The following FBH1 variants were observed in gnomAD, a reference collection of about 807,000 sequenced individuals.
FBH1 encodes DNA 3'-5' helicase 1.
FBH1 carries 43 observed loss-of-function variants against 115.5 expected under a neutral mutation model. The ratio of observed to expected loss-of-function variants is 0.37; its 90% confidence interval spans 0.29 to 0.48. The LOEUF (loss-of-function observed/expected upper bound fraction) is 0.48. Ranked by LOEUF, FBH1 falls within the 20% of genes least tolerant of loss-of-function variation. FBH1 has a pLI of 0.99. For synonymous variants in FBH1, 524 were observed against 507.8 expected (o/e 1.03, Z -0.43); for missense variants, 1,001 against 1,337.3 (o/e 0.75, Z 3.92).
Position 5,914,455 on chromosome 10 carries a change from A to G in FBH1, c.1396+186A>G, listed in dbSNP as rs554999105. Among the ~76,000 whole-genome samples the G allele has an allele frequency of 1.3e-5, 2 of 152,364 alleles. No individual in the cohort carries two copies. Among genetic ancestry groups the G allele is most frequent in the African/African-American group, 4.8e-5 (2 of 41,590 alleles). On this transcript the variant is annotated intron_variant, in intron 8 of 20. Transcript: ENST00000362091. The surrounding 1 kb of genome is among the most constrained non-coding windows in gnomAD (Gnocchi z 5.2). ...AATACTTACTTCCCCGGACCACTCC[A>G]TGAACATCCACAGAATTCCTGTTGA...
At chr10:5,903,709 T>G (rs649537) in intron 2 of FBH1, among the ~76,000 whole-genome samples, 69,737 of 152,026 alleles carry the variant, frequency 0.46, 16,610 homozygotes, top group East Asian at 0.68. Context: ...TCCTATTAGC[T>G]TGTGTAATTA....
chr10:5,899,594 C>T (rs1006699738), intron 1 of FBH1, among the ~76,000 whole-genome samples: 1 of 152,104 alleles, frequency 6.6e-6, no homozygotes, highest in Admixed American at 6.5e-5. Flanking sequence ...GGCATGAGTC[C>T]ACTCTGTTGG....
intron 19 of FBH1, among the ~76,000 whole-genome samples, chr10:5,927,971 C>G (rs529524379): frequency 2.7e-5 from 4 of 148,410 alleles, no homozygotes; most frequent in African/African-American, 1.0e-4. Flanking sequence ...ACTCGGGAGG[C>G]TGAGGCAGGA....
rs1832576834 is a variant in FBH1, at chr10:5,925,285, A to G, written c.2597-82A>G. 9 of 1,544,214 alleles carry G rather than the reference A, an allele frequency of 5.8e-6. No individual in the cohort carries two copies. Among genetic ancestry groups the G allele is most frequent in the Non-Finnish European group, 7.9e-6 (9 of 1,135,684 alleles). On this transcript the variant is annotated intron_variant, in intron 17 of 20. Coordinates refer to ENST00000362091, the MANE Select transcript of FBH1 (RefSeq NM_178150.3). The surrounding 1 kb of genome is among the most constrained non-coding windows in gnomAD (Gnocchi z 4.6). The stretch of plus-strand genomic sequence containing the variant: ...GCAAGAAATGTTCGAGTTCAGAGTC[A>G]AGTGGGAAACATGTATGTTTTTGTC...
In FBH1 at chr10:5,890,281, G is replaced by A; in HGVS notation, c.-65G>A. The stretch of plus-strand genomic sequence containing the variant: ...GAGGAGCTCGCTGCCGGGGGACGCT[G>A]GGCTGAGCGGCCGGCGGCGCGGGCC... On this transcript the variant is annotated 5_prime_UTR_variant, in exon 1 of 21. Transcript: ENST00000362091. 1 of 372,012 alleles carries A rather than the reference G, an allele frequency of 2.7e-6. No homozygotes were observed. The highest frequency in any genetic ancestry group is 5.0e-6 in the Non-Finnish European group (1 of 199,438). The allele number at this position is 372,012 out of a possible 1,614,324, so 23.0% of individuals were successfully genotyped here. A position where few individuals can be genotyped will look rare whatever the true frequency, so the allele number is the denominator to read the frequency against.
chr10:5,892,136 C>A (rs1178967582), intron 1 of FBH1, among the ~76,000 whole-genome samples: 1 of 152,166 alleles, frequency 6.6e-6, no homozygotes, highest in Admixed American at 6.5e-5. Flanking sequence ...GGAGCTGTTT[C>A]CTGGGTCTTG....
intron 1 of FBH1, among the ~76,000 whole-genome samples, chr10:5,898,464 G>A (rs1564431488): frequency 1.3e-5 from 2 of 149,234 alleles, no homozygotes; most frequent in Non-Finnish European, 3.0e-5. Flanking sequence ...AGGCTGGAGT[G>A]CAGTGGCACA....
Position 5,936,993 on chromosome 10 carries a change from A to G in FBH1, c.2962-117A>G. 1 of 1,203,376 alleles carries G rather than the reference A, an allele frequency of 8.3e-7. No individual in the cohort carries two copies. Among genetic ancestry groups the G allele is most frequent in the Non-Finnish European group, 1.1e-6 (1 of 873,120 alleles). The allele number at this position is 1,203,376 out of a possible 1,614,324, so 74.5% of individuals were successfully genotyped here. A position where few individuals can be genotyped will look rare whatever the true frequency, so the allele number is the denominator to read the frequency against. On this transcript the variant is annotated intron_variant, in intron 20 of 20. Coordinates refer to ENST00000362091, the MANE Select transcript of FBH1 (RefSeq NM_178150.3). This position sits in a 1 kb window ranked among gnomAD's most constrained non-coding sequence, Gnocchi z 5.6. ...TGAGGATGTGCACCCCTCTGAAAAC[A>G]TCAGAATCCAAATGCGTTGTCCCTG...
chr10:5,899,352 C>T (rs1045240297), intron 1 of FBH1, among the ~76,000 whole-genome samples: 2 of 152,136 alleles, frequency 1.3e-5, no homozygotes, highest in African/African-American at 4.8e-5. Context: ...ATGATTTTAT[C>T]CATGAAAGCT....
chr10:5,925,235 C>G lies in FBH1; in HGVS notation c.2597-132C>G. ...TCCCGACAGTTGTTTCCTCTTTCCC[C>G]CTTTTCCTACAAAACTGCACTGAGG... On this transcript the variant is annotated intron_variant, in intron 17 of 20. Coordinates refer to ENST00000362091, the MANE Select transcript of FBH1 (RefSeq NM_178150.3). This position sits in a 1 kb window ranked among gnomAD's most constrained non-coding sequence, Gnocchi z 4.6. 4.7e-6 allele frequency: 5 copies of G among 1,071,260 alleles called. No homozygotes were observed. The highest frequency in any genetic ancestry group is 4.0e-6 in the Non-Finnish European group (3 of 745,698). The allele number at this position is 1,071,260 out of a possible 1,614,324, so 66.4% of individuals were successfully genotyped here. A position where few individuals can be genotyped will look rare whatever the true frequency, so the allele number is the denominator to read the frequency against.
rs140328595 is a variant in FBH1 at position 5,924,381 on chromosome 10, G to A, written c.2469G>A (p.Arg823=). The A allele has an allele frequency of 2.2e-4, 360 of 1,614,088 alleles. No homozygotes were observed. The highest frequency in any genetic ancestry group is 2.8e-4 in the Non-Finnish European group (333 of 1,180,048). ...AAGAAGGCTTTAGTGGCTTCAAGAG[G>A]TATGTGACCGCTGCCGAGGACAAGG... is the stretch of plus-strand genomic sequence containing the variant. ...VHKEGFSGFK[R]YVTAAEDKEL... Residue 823 remains arginine (R), a synonymous_variant, in exon 17 of 21, where the codon AGG becomes AGA. Transcript: ENST00000362091. The surrounding 1 kb of genome is among the most constrained non-coding windows in gnomAD (Gnocchi z 6.2).
chr10:5,893,027 C>T lies in FBH1; in HGVS notation c.1+2681C>T, dbSNP rs191087518. On this transcript the variant is annotated intron_variant, in intron 1 of 20. Coordinates refer to ENST00000362091, the MANE Select transcript of FBH1 (RefSeq NM_178150.3). ...CCCTGCTTTAAAAATTGGATGAGGC[C>T]GGGCGCGGTGGCTGACGCCTGTAAT... Among the ~76,000 whole-genome samples, 593 of 152,242 alleles carry T rather than the reference C, an allele frequency of 3.9e-3. 3 individuals carry two copies. The highest frequency in any genetic ancestry group is 0.013 in the African/African-American group (541 of 41,546).
rs766964393 is a variant in FBH1, at chr10:5,925,401, C to T, written c.2631C>T (p.Gly877=). The T allele has an allele frequency of 9.3e-6, 15 of 1,614,162 alleles. No homozygotes were observed. The South Asian group carries it at 1.2e-4, about 13-fold the overall frequency. The change falls in exon 18 of 21, where the codon GGC becomes GGT. Residue 877 remains glycine (G), a synonymous_variant. Coordinates refer to ENST00000362091, the MANE Select transcript of FBH1 (RefSeq NM_178150.3). The surrounding 1 kb of genome is among the most constrained non-coding windows in gnomAD (Gnocchi z 4.6). ...TGGGCACTGTGCACAAAGCCAAAGG[C>T]CTGGAGTTTGACACTGTGCATGTTT... ...YILGTVHKAK[G]LEFDTVHVLD... is the part of the protein sequence containing the mutation.
At position 5,935,867 on chromosome 10, in the gene FBH1, C is replaced by G. The variant is rs1833307814; in HGVS notation, c.2830-589C>G. On this transcript the variant is annotated intron_variant, in intron 19 of 20. Coordinates refer to ENST00000362091, the MANE Select transcript of FBH1 (RefSeq NM_178150.3). The surrounding 1 kb of genome is among the most constrained non-coding windows in gnomAD (Gnocchi z 5.2). ...GTGGTGTTTCCAGCCTGGGAGGTCA[C>G]TAGTGCTTCCTCTGGGTGCTCCCTG... The G allele has an allele frequency of 6.5e-6, 1 of 152,882 alleles. No homozygotes were observed. Among genetic ancestry groups the G allele is most frequent in the Non-Finnish European group, 1.5e-5 (1 of 68,496 alleles). The allele number at this position is 152,882 out of a possible 1,614,324, so 9.5% of individuals were successfully genotyped here.
intron 19 of FBH1, among the ~76,000 whole-genome samples, chr10:5,927,924 TAGCC>T (rs548055916): frequency 4.0e-4 from 61 of 151,512 alleles, no homozygotes; most frequent in African/African-American, 1.4e-3. Flanking sequence ...ATACATAAAT[TAGCC>T]AGGTGTGGTG....
intron 19 of FBH1, among the ~76,000 whole-genome samples, chr10:5,930,686 G>A (rs150846401): frequency 3.3e-5 from 5 of 152,222 alleles, no homozygotes; most frequent in African/African-American, 1.2e-4. Context: ...TAGGAAATGT[G>A]TATTTTTGAA....
At chr10:5,916,726 G>C (rs1262526287) in intron 10 of FBH1, among the ~76,000 whole-genome samples, 3 of 152,028 alleles carry the variant, frequency 2.0e-5, no homozygotes, top group Non-Finnish European at 2.9e-5. Flanking sequence ...GGGATCTGAG[G>C]ATGGGCAAAC....
At position 5,933,456 on chromosome 10, in the gene FBH1, C is replaced by T. The variant is rs1317551281; in HGVS notation, c.2830-3000C>T. Among the ~76,000 whole-genome samples the T allele has an allele frequency of 6.6e-6, 1 of 152,184 alleles. No homozygotes were observed. Among genetic ancestry groups the T allele is most frequent in the Non-Finnish European group, 1.5e-5 (1 of 68,040 alleles). ...TTGGAAGGTTGTCAGTTGGTTGCTG[C>T]ATGCATTTTGTTTTCCCCATAGAAG... On this transcript the variant is annotated intron_variant, in intron 19 of 20. Coordinates refer to ENST00000362091, the MANE Select transcript of FBH1 (RefSeq NM_178150.3). The surrounding 1 kb of genome is among the most constrained non-coding windows in gnomAD (Gnocchi z 4.9).
rs1054828947 is a variant in FBH1, at chr10:5,918,579, A to G, written c.2100+101A>G. 1 of 1,375,616 alleles carries G rather than the reference A, an allele frequency of 7.3e-7. No homozygotes were observed. Among genetic ancestry groups the G allele is most frequent in the African/African-American group, 1.5e-5 (1 of 66,802 alleles). The allele number at this position is 1,375,616 out of a possible 1,614,324, so 85.2% of individuals were successfully genotyped here. On this transcript the variant is annotated intron_variant, in intron 13 of 20. Transcript: ENST00000362091. The surrounding 1 kb of genome is among the most constrained non-coding windows in gnomAD (Gnocchi z 4.0). The stretch of plus-strand genomic sequence containing the variant: ...TATGCCAGGCTCACCAGATCTAGCA[A>G]ATCCTTGCTTCTAAGCCATGGTTCT...
Sources: allele counts gnomAD v4.1 joint callset (sites outside exome capture counted in the v4.1 genomes callset), GRCh38; gene constraint gnomAD v4.1.1; non-coding constraint Gnocchi (gnomAD v3.1); transcripts MANE v1.5; gene names NCBI Gene and HGNC (gene_info 2026-07-23, HGNC 2026-07-21).